Variants in ARFGEF3 observed in about 807,000 individuals in gnomAD.
The protein encoded by ARFGEF3 is ARFGEF family member 3, also known as brefeldin A-inhibited guanine nucleotide-exchange protein 3.
Under a neutral mutation model 221.7 loss-of-function variants are expected in ARFGEF3, and 96 were observed. The ratio of observed to expected loss-of-function variants is 0.43; its 90% confidence interval spans 0.37 to 0.51. The LOEUF (loss-of-function observed/expected upper bound fraction) is 0.51. ARFGEF3 is among the 20% of genes least tolerant of loss of function. The pLI is 0.00. For missense variants in ARFGEF3, 2,410 were observed against 2,789.9 expected, an observed-to-expected ratio of 0.86 and a Z score of 3.07; for synonymous variants, 1,145 against 1,126.8, an observed-to-expected ratio of 1.02 and a Z score of -0.32.
intron 29 of ARFGEF3, among the ~76,000 whole-genome samples, chr6:138,321,965 A>G (rs1263911242): frequency 6.6e-6 from 1 of 152,150 alleles, no homozygotes; most frequent in Non-Finnish European, 1.5e-5. Flanking sequence ...TCACATCTTA[A>G]TGGATGGTGG....
chr6:138,267,117 A>G (rs907577935), intron 12 of ARFGEF3, among the ~76,000 whole-genome samples: 5 of 135,896 alleles, frequency 3.7e-5, no homozygotes, highest in African/African-American at 1.4e-4. Context: ...TGCAGTAATA[A>G]TGATGGCCTT....
At chr6:138,288,376 C>A (rs1376744284) in intron 17 of ARFGEF3, among the ~76,000 whole-genome samples, 1 of 151,802 alleles carries the variant, frequency 6.6e-6, no homozygotes, top group Non-Finnish European at 1.5e-5. Flanking sequence ...CAGAGTGAGA[C>A]CCTATCTCAA....
intron 12 of ARFGEF3, among the ~76,000 whole-genome samples, chr6:138,263,876 T>C (rs1778836613): frequency 6.6e-6 from 1 of 152,234 alleles, no homozygotes; most frequent in Non-Finnish European, 1.5e-5. Context: ...AGCTGCATTC[T>C]AGAAAGGTGC....
chr6:138,208,933 T>C (rs1777670184), intron 3 of ARFGEF3, among the ~76,000 whole-genome samples: 2 of 152,158 alleles, frequency 1.3e-5, no homozygotes, highest in South Asian at 4.1e-4. Context: ...TTTTAGAAGC[T>C]TAATCTGTTT....
chr6:138,164,797 A>G (rs903505102), intron 1 of ARFGEF3, among the ~76,000 whole-genome samples: 1 of 152,214 alleles, frequency 6.6e-6, no homozygotes, highest in Non-Finnish European at 1.5e-5. Flanking sequence ...GGGCTCATGA[A>G]TCAACACATT....
rs1251073232 is a variant in ARFGEF3, at chr6:138,291,272, C to T, written c.3048-461C>T. ...GCAGGACGTGGCTGGGCAGAACCCA[C>T]TGTGGCTAGTTGGCCTCTCCGTCAT... On this transcript the variant is annotated intron_variant, in intron 18 of 33. Transcript: ENST00000251691. The surrounding 1 kb of genome is among the most constrained non-coding windows in gnomAD (Gnocchi z 4.5). Among the ~76,000 whole-genome samples the T allele has an allele frequency of 6.6e-6, 1 of 152,202 alleles. No homozygotes were observed. The highest frequency in any genetic ancestry group is 6.5e-5 in the Admixed American group (1 of 15,286).
At chr6:138,242,466 T>C (rs951093512) in intron 6 of ARFGEF3, among the ~76,000 whole-genome samples, 2 of 152,216 alleles carry the variant, frequency 1.3e-5, no homozygotes, top group African/African-American at 2.4e-5. Context: ...CCAGTGGTTA[T>C]CTTTGGACCT....
chr6:138,318,560 C>T (rs1380899323), intron 27 of ARFGEF3, among the ~76,000 whole-genome samples: 2 of 152,114 alleles, frequency 1.3e-5, no homozygotes, highest in Non-Finnish European at 2.9e-5. Context: ...TGTTAAAATG[C>T]ACATACTATG....
At position 138,220,318 on chromosome 6, in the gene ARFGEF3, A is replaced by G. The variant is rs908349311; in HGVS notation, c.352-9466A>G. ...GCAGCCAACCTATTTCTTGCTTTAT[A>G]CTTTAAATCATAAGCATTTTCCACA... On this transcript the variant is annotated intron_variant, in intron 4 of 33. Coordinates refer to ENST00000251691, the MANE Select transcript of ARFGEF3 (RefSeq NM_020340.5). Among the ~76,000 whole-genome samples the G allele has an allele frequency of 3.9e-5, 6 of 152,164 alleles. No homozygotes were observed. The South Asian group carries it at 1.2e-3, about 32-fold the overall frequency.
At chr6:138,268,369 C>T (rs541497783) in intron 12 of ARFGEF3, among the ~76,000 whole-genome samples, 3 of 152,292 alleles carry the variant, frequency 2.0e-5, no homozygotes, top group South Asian at 2.1e-4. Flanking sequence ...TTGTCATAAA[C>T]GTCCATCAAG....
intron 22 of ARFGEF3, among the ~76,000 whole-genome samples, chr6:138,305,103 C>G (rs1229759197): frequency 6.6e-6 from 1 of 151,146 alleles, no homozygotes; most frequent in African/African-American, 2.4e-5. Context: ...CCACAATAAC[C>G]CAAGCCCTGT....
chr6:138,244,091 T>C (rs1778442398), intron 7 of ARFGEF3, among the ~76,000 whole-genome samples: 1 of 152,216 alleles, frequency 6.6e-6, no homozygotes, highest in Non-Finnish European at 1.5e-5. Context: ...TAGTAAAAAA[T>C]TGACAGAGGA....
intron 5 of ARFGEF3, among the ~76,000 whole-genome samples, chr6:138,237,033 A>G (rs1331684745): frequency 6.6e-6 from 1 of 151,932 alleles, no homozygotes; most frequent in Non-Finnish European, 1.5e-5. Flanking sequence ...TTCAGTTTCA[A>G]ATGCTCCTTT....
chr6:138,181,442 GT>G (rs1777077759), intron 2 of ARFGEF3, among the ~76,000 whole-genome samples: 1 of 151,910 alleles, frequency 6.6e-6, no homozygotes, highest in Admixed American at 6.6e-5. Flanking sequence ...ATTCCTTTTT[GT>G]TTTGTTTTGT....
intron 1 of ARFGEF3, among the ~76,000 whole-genome samples, chr6:138,163,232 CA>C (rs372869832): frequency 2.4e-4 from 37 of 152,142 alleles, no homozygotes; most frequent in African/African-American, 8.2e-4. Flanking sequence ...GGTGTGTGTA[CA>C]GGTAATTATA....
intron 4 of ARFGEF3, chr6:138,217,910 T>G: frequency 6.7e-7 from 1 of 1,502,838 alleles, no homozygotes; most frequent in Non-Finnish European, 8.9e-7. Flanking sequence ...TGGCTGGGCT[T>G]AAACAGTCAT....
At position 138,263,267 on chromosome 6, in the gene ARFGEF3, A is replaced by G. The variant is rs1778826161; in HGVS notation, c.1784A>G (p.Asn595Ser). 12 of 1,613,978 alleles carry G rather than the reference A, an allele frequency of 7.4e-6. No individual in the cohort carries two copies. The highest frequency in any genetic ancestry group is 1.0e-5 in the Non-Finnish European group (12 of 1,179,888). The change falls in exon 12 of 34, where the codon AAT (asparagine) becomes AGT (serine). Residue 595 changes from asparagine to serine, a missense_variant. Asn to Ser is a conservative substitution (Grantham distance 46). Transcript: ENST00000251691. ...RSYGSRYSES[N>S]FSVDDQDLSR... ...TATGGATCTAGGTATAGTGAGAGCA[A>G]TTTTAGCGTTGATGACCAAGACCTT...
intron 2 of ARFGEF3, among the ~76,000 whole-genome samples, chr6:138,190,538 G>C (rs116896593): frequency 0.014 from 2,065 of 152,254 alleles, 32 homozygotes; most frequent in Middle Eastern, 0.058. Context: ...CTGATGCTTA[G>C]CTTTTACTAT....
intron 32 of ARFGEF3, among the ~76,000 whole-genome samples, chr6:138,332,966 A>G (rs1343718314): frequency 1.3e-5 from 2 of 152,322 alleles, no homozygotes; most frequent in Admixed American, 6.5e-5. Context: ...TACTTACACA[A>G]ATTTTTACAT....
Sources: gnomAD v4.1 joint callset for allele counts (sites outside exome capture counted in the v4.1 genomes callset) on GRCh38, gnomAD v4.1.1 for gene constraint, Gnocchi (gnomAD v3.1) non-coding constraint, MANE v1.5 for transcripts, NCBI Gene and HGNC (gene_info 2026-07-23, HGNC 2026-07-21) for gene names.